Variants in ZNF681 observed in about 807,000 individuals in gnomAD.
The protein encoded by ZNF681 is hypothetical protein FLJ31526.
A neutral mutation model predicts 56.0 loss-of-function variants in ZNF681; 37 were observed. The ratio of observed to expected loss-of-function variants is 0.66; its 90% CI spans 0.51 to 0.87. The LOEUF is 0.87. Among genes scored for constraint, ZNF681 ranks in the 40% least tolerant of loss-of-function variants. The pLI, the probability that ZNF681 is intolerant of heterozygous loss-of-function variation, is 0.00. For missense variants in ZNF681, 741 were observed against 744.9 expected, an observed-to-expected ratio of 0.99 and a Z score of 0.06; for synonymous variants, 225 against 248.6, an observed-to-expected ratio of 0.91 and a Z score of 0.89.
rs768126821 is a variant in ZNF681 at position 23,739,739 on chromosome 19, G to C, written c.*3873C>G. On this transcript the variant is annotated 3_prime_UTR_variant, in exon 4 of 4. Coordinates refer to ENST00000402377, the MANE Select transcript of ZNF681 (RefSeq NM_138286.3). ...TTATCTAAAAGCTGCCATGATCTTC[G>C]AATGTTTTCCAGAGAATATGACCAA... is the stretch of plus-strand genomic sequence containing the variant. 1 of 152,040 alleles carries C rather than the reference G, an allele frequency of 6.6e-6. No individual in the cohort carries two copies. The highest frequency in any genetic ancestry group is 2.4e-5 in the African/African-American group (1 of 41,390). The allele number at this position is 152,040 out of a possible 1,614,324, so 9.4% of individuals were successfully genotyped here.
chr19:23,758,724 G>C (rs747322567), intron 1 of ZNF681, 23 bp downstream of exon 1: 1 of 1,614,192 alleles, frequency 6.2e-7, no homozygotes, highest in Admixed American at 1.7e-5. Context: ...CCTCTCTCGG[G>C]ATGTCGGACC....
At chr19:23,750,303 ACC>A (rs369910659) in intron 3 of ZNF681, among the ~76,000 whole-genome samples, 131,334 of 136,622 alleles carry the variant, frequency 0.96, 63,310 homozygotes, top group East Asian at 0.99. Context: ...AAAAAAAAAA[ACC>A]AAAAAACAAC....
In ZNF681 at chr19:23,758,762, G is replaced by C; in HGVS notation, c.-13C>G. On this transcript the variant is annotated 5_prime_UTR_variant, in exon 1 of 4. Coordinates refer to ENST00000402377, the MANE Select transcript of ZNF681 (RefSeq NM_138286.3). ...ACATTCTCACCATTTCTAGGTTTCC[G>C]GGGGACCTGGCGTCTTAGCTATGGA... The C allele has an allele frequency of 6.2e-7, 1 of 1,614,186 alleles. No homozygotes were observed. Among genetic ancestry groups the C allele is most frequent in the South Asian group, 1.1e-5 (1 of 91,088 alleles).
chr19:23,743,590 T>A lies in ZNF681; in HGVS notation c.*22A>T. On this transcript the variant is annotated 3_prime_UTR_variant, in exon 4 of 4. Coordinates refer to ENST00000402377, the MANE Select transcript of ZNF681 (RefSeq NM_138286.3). ...AATCAAGTGTGACAACTTTTAAAGG[T>A]TTTGTTACATTCTTCACATTTCTAA... 1 of 1,455,398 alleles carries A rather than the reference T, an allele frequency of 6.9e-7. No individual in the cohort carries two copies. The highest frequency in any genetic ancestry group is 9.1e-7 in the Non-Finnish European group (1 of 1,104,294). The allele number at this position is 1,455,398 out of a possible 1,614,324, so 90.2% of individuals were successfully genotyped here. A position where few individuals can be genotyped will look rare whatever the true frequency, so the allele number is the denominator to read the frequency against.
chr19:23,751,863 A>G (rs980780400), intron 3 of ZNF681, among the ~76,000 whole-genome samples: 5 of 151,726 alleles, frequency 3.3e-5, no homozygotes, highest in Non-Finnish European at 4.4e-5. Context: ...TTTTTTTTGT[A>G]TTTTTAGTAG....
At chr19:23,748,753 G>A (rs890945451) in intron 3 of ZNF681, among the ~76,000 whole-genome samples, 6 of 151,876 alleles carry the variant, frequency 4.0e-5, no homozygotes, top group Non-Finnish European at 7.4e-5. Flanking sequence ...TACAAAAATT[G>A]GAAAAAGCAT....
In ZNF681 at chr19:23,743,554, A is replaced by G. The variant is rs1968896012; in HGVS notation, c.*58T>C. 7.2e-6 allele frequency: 10 copies of G among 1,388,684 alleles called. No homozygotes were observed. Among genetic ancestry groups the G allele is most frequent in the Non-Finnish European group, 7.6e-6 (8 of 1,059,380 alleles). 86.0% of individuals were successfully genotyped at this position (1,388,684 alleles called of 1,614,324 possible). A position where few individuals can be genotyped will look rare whatever the true frequency, so the allele number is the denominator to read the frequency against. ...TGTAGGTTTTTTTTTAGTATGAATT[A>G]TCTTATGCACAATCAAGTGTGACAA... On this transcript the variant is annotated 3_prime_UTR_variant, in exon 4 of 4. Transcript: ENST00000402377.
At chr19:23,745,699 C>G (rs1968935743) in intron 3 of ZNF681, among the ~76,000 whole-genome samples, 1 of 152,074 alleles carries the variant, frequency 6.6e-6, no homozygotes, top group Non-Finnish European at 1.5e-5. Flanking sequence ...GATCTGCCCA[C>G]CTCAGCCTCC....
At chr19:23,758,345 C>T (rs910435708) in intron 1 of ZNF681, among the ~76,000 whole-genome samples, 10 of 152,208 alleles carry the variant, frequency 6.6e-5, no homozygotes, top group African/African-American at 1.7e-4. Flanking sequence ...ACGCGCGAGC[C>T]ACCGCGCCAG....
intron 3 of ZNF681, among the ~76,000 whole-genome samples, chr19:23,752,820 A>AT (rs1969052846): frequency 6.6e-6 from 1 of 152,220 alleles, no homozygotes; most frequent in South Asian, 2.1e-4. Context: ...TAAAGACACT[A>AT]ATACAAAACT....
Position 23,744,367 on chromosome 19 carries a change from T to C in ZNF681, c.1183A>G (p.Lys395Glu). The change falls in exon 4 of 4, where the codon AAA becomes GAA. Residue 395 changes from lysine to glutamate, a missense_variant. Coordinates refer to ENST00000402377, the MANE Select transcript of ZNF681 (RefSeq NM_138286.3). Reference protein sequence around the residue: ...KIIHTGEKPYKCEECGKAFNK... With the variant: ...KIIHTGEKPYECEECGKAFNK... ...AAAGCTTTGCCACATTCTTCACATT[T>C]GTAGGGTTTCTCTCCAGTATGAATT... 1 of 1,613,480 alleles carries C rather than the reference T, an allele frequency of 6.2e-7. No individual in the cohort carries two copies. Among genetic ancestry groups the C allele is most frequent in the Non-Finnish European group, 8.5e-7 (1 of 1,179,830 alleles).
At chr19:23,747,535 G>C (rs2144843409) in intron 3 of ZNF681, among the ~76,000 whole-genome samples, 1 of 151,616 alleles carries the variant, frequency 6.6e-6, no homozygotes, top group African/African-American at 2.4e-5. Flanking sequence ...AGCTACTCGG[G>C]AGGCTGAGGC....
rs916422038 is a variant in ZNF681 at position 23,742,686 on chromosome 19, C to T, written c.*926G>A. On this transcript the variant is annotated 3_prime_UTR_variant, in exon 4 of 4. Transcript: ENST00000402377. ...CCTTAACTCTTTCACTAAAAAAGGT[C>T]GTAAATAATGCACACCTAATAACAA... 2.0e-5 allele frequency: 3 copies of T among 151,896 alleles called. No homozygotes were observed. The highest frequency in any genetic ancestry group is 4.4e-5 in the Non-Finnish European group (3 of 68,012). 9.4% of individuals were successfully genotyped at this position (151,896 alleles called of 1,614,324 possible). A position where few individuals can be genotyped will look rare whatever the true frequency, so the allele number is the denominator to read the frequency against.
rs952022986 is a variant in ZNF681 at position 23,739,646 on chromosome 19, T to C, written c.*3966A>G. On this transcript the variant is annotated 3_prime_UTR_variant, in exon 4 of 4. Transcript: ENST00000402377. ...ACACTAAAAGGGCAGCTGTTTCTTA[T>C]GGTCTCATGACTGGCCACTCTGTGA... 1.3e-5 allele frequency: 2 copies of C among 152,348 alleles called. No individual in the cohort carries two copies. Among genetic ancestry groups the C allele is most frequent in the East Asian group, 1.9e-4 (1 of 5,186 alleles). The allele number at this position is 152,348 out of a possible 1,614,324, so 9.4% of individuals were successfully genotyped here. A position where few individuals can be genotyped will look rare whatever the true frequency, so the allele number is the denominator to read the frequency against.
chr19:23,758,434 G>C (rs1321821502), intron 1 of ZNF681, among the ~76,000 whole-genome samples: 3 of 152,172 alleles, frequency 2.0e-5, no homozygotes, highest in Non-Finnish European at 4.4e-5. Flanking sequence ...TCCCATTCAT[G>C]AACCCGGCAC....
intron 3 of ZNF681, among the ~76,000 whole-genome samples, chr19:23,748,523 A>C (rs1042117520): frequency 6.6e-6 from 1 of 152,058 alleles, no homozygotes; most frequent in Admixed American, 6.6e-5. Flanking sequence ...TATCTCCTTT[A>C]CTCAATAAAT....
intron 3 of ZNF681, among the ~76,000 whole-genome samples, chr19:23,750,085 G>A (rs1052321956): frequency 5.3e-5 from 8 of 151,338 alleles, no homozygotes. Context: ...GGAAGTTCTA[G>A]ACCAGCCTGG....
Position 23,741,254 on chromosome 19 carries a change from G to C in ZNF681, c.*2358C>G, listed in dbSNP as rs1393839309. The C allele has an allele frequency of 6.6e-6, 1 of 152,060 alleles. No homozygotes were observed. The highest frequency in any genetic ancestry group is 1.5e-5 in the Non-Finnish European group (1 of 68,002). 9.4% of individuals were successfully genotyped at this position (152,060 alleles called of 1,614,324 possible). A position where few individuals can be genotyped will look rare whatever the true frequency, so the allele number is the denominator to read the frequency against. ...AACTCTGTGTAAATCAAAACTAATAGTCTGTATGTGCTTGCAGGCAGAGAG... is the reference window on the plus strand; with the variant it reads ...AACTCTGTGTAAATCAAAACTAATACTCTGTATGTGCTTGCAGGCAGAGAG... On this transcript the variant is annotated 3_prime_UTR_variant, in exon 4 of 4. Transcript: ENST00000402377.
intron 2 of ZNF681, among the ~76,000 whole-genome samples, 189 bp from the exon 3 acceptor site, chr19:23,755,107 G>A (rs567601066): frequency 6.6e-6 from 1 of 152,186 alleles, no homozygotes; most frequent in East Asian, 1.9e-4. Flanking sequence ...TCACTGTCCA[G>A]TACAACAAAT....
Sources: allele counts gnomAD v4.1 joint callset (sites outside exome capture counted in the v4.1 genomes callset), GRCh38; gene constraint gnomAD v4.1.1; transcripts MANE v1.5; gene names NCBI Gene and HGNC (gene_info 2026-07-23, HGNC 2026-07-21).